The following PTPN13 variants were observed in gnomAD, a reference collection of about 807,000 sequenced individuals.
PTPN13 encodes protein tyrosine phosphatase non-receptor type 13.
Under a neutral mutation model 284.0 loss-of-function variants are expected in PTPN13, and 191 were observed. The ratio of observed to expected loss-of-function variants is 0.67; its 90% CI spans 0.60 to 0.76. The LOEUF (loss-of-function observed/expected upper bound fraction) is 0.76. Among genes scored for constraint, PTPN13 ranks in the 30% least tolerant of loss-of-function variants. PTPN13 has a pLI of 0.00. For missense variants in PTPN13, 2,797 were observed against 2,939.9 expected (o/e 0.95, Z 1.12); for synonymous variants, 986 against 1,022.3 (o/e 0.96, Z 0.68).
chr4:86,736,837 A>G (rs1735571816), intron 15 of PTPN13, among the ~76,000 whole-genome samples: 1 of 152,208 alleles, frequency 6.6e-6, no homozygotes, highest in South Asian at 2.1e-4. Context: ...TAGCATGCCT[A>G]AGGAATATTA....
chr4:86,788,062 A>G (rs1479167586), intron 40 of PTPN13, among the ~76,000 whole-genome samples: 2 of 152,208 alleles, frequency 1.3e-5, no homozygotes, highest in Non-Finnish European at 2.9e-5. Flanking sequence ...TGTTTTAAAT[A>G]ATGGTAAACA....
At chr4:86,780,957 G>A (rs1458213155) in intron 36 of PTPN13, among the ~76,000 whole-genome samples, 2 of 122,564 alleles carry the variant, frequency 1.6e-5, no homozygotes, top group Non-Finnish European at 3.7e-5. Context: ...TGGGACAAAC[G>A]GGAAGGAAGC....
At chr4:86,653,484 GC>G (rs1479779207) in intron 2 of PTPN13, among the ~76,000 whole-genome samples, 1 of 150,560 alleles carries the variant, frequency 6.6e-6, no homozygotes, top group African/African-American at 2.5e-5. Context: ...AAGCTCCGGA[GC>G]GCCTCAACTC....
Position 86,750,559 on chromosome 4 carries a change from A to G in PTPN13, c.2740A>G (p.Ser914Gly). The G allele has an allele frequency of 1.2e-6, 2 of 1,614,006 alleles. No homozygotes were observed. Among genetic ancestry groups the G allele is most frequent in the Non-Finnish European group, 1.7e-6 (2 of 1,179,880 alleles). The change falls in exon 18 of 48, where the codon AGC (serine) becomes GGC (glycine). Residue 914 changes from serine (S) to glycine (G), a missense_variant. Transcript: ENST00000411767. ...GRAISTGSLASSTLNKLAVRP... is the reference protein window; with the variant it reads ...GRAISTGSLAGSTLNKLAVRP... ...AGCAATCAGCACTGGCAGTCTGGCC[A>G]GCAGCACCCTCAACAAACTTGCTGT...
chr4:86,785,322 G>C lies in PTPN13; in HGVS notation c.6210G>C (p.Gln2070His), dbSNP rs929810204. 1.2e-6 allele frequency: 2 copies of C among 1,610,854 alleles called. No homozygotes were observed. Among genetic ancestry groups the C allele is most frequent in the Non-Finnish European group, 1.7e-6 (2 of 1,178,138 alleles). Residue 2070 changes from glutamine (Q) to histidine (H), a missense_variant, in exon 39 of 48, where the codon CAG becomes CAC. By Grantham distance (24) the Gln-to-His change is conservative. Transcript: ENST00000411767. ...SLLDVVDEEAQNLLNENNAAG... is the reference protein window; with the variant it reads ...SLLDVVDEEAHNLLNENNAAG... Reference sequence around the variant, plus strand: ...TGGATGTTGTGGATGAGGAAGCCCAGAATCTTTTAAACGAAAATAATGCAG... The same window carrying C: ...TGGATGTTGTGGATGAGGAAGCCCACAATCTTTTAAACGAAAATAATGCAG...
At chr4:86,642,964 A>G (rs1723988787) in intron 2 of PTPN13, among the ~76,000 whole-genome samples, 1 of 152,158 alleles carries the variant, frequency 6.6e-6, no homozygotes, top group Non-Finnish European at 1.5e-5. Context: ...AACTGTAGTA[A>G]TTGTCCAAAA....
At chr4:86,788,994 T>C (rs1047712290) in intron 40 of PTPN13, among the ~76,000 whole-genome samples, 1 of 152,180 alleles carries the variant, frequency 6.6e-6, no homozygotes, top group African/African-American at 2.4e-5. Context: ...TAAAGGTATT[T>C]GATAGTTAAG....
At chr4:86,699,244 AGCGT>A (rs1730882835) in intron 6 of PTPN13, among the ~76,000 whole-genome samples, 1 of 151,924 alleles carries the variant, frequency 6.6e-6, no homozygotes, top group Admixed American at 6.6e-5. Context: ...AAACAAAATT[AGCGT>A]GGTGGTGGGC....
intron 41 of PTPN13, among the ~76,000 whole-genome samples, chr4:86,798,337 CAG>C (rs1359356440): frequency 6.6e-6 from 1 of 152,160 alleles, no homozygotes; most frequent in Non-Finnish European, 1.5e-5. Context: ...TGAGTTAGAA[CAG>C]GGGGAAACAT....
At chr4:86,764,487 C>G (rs774935693) in intron 24 of PTPN13, 106 bp from the exon 25 acceptor site, 40 of 840,524 alleles carry the variant, frequency 4.8e-5, no homozygotes, top group Non-Finnish European at 6.4e-5. Context: ...TTGATTCTAG[C>G]CAGCTTTGTC....
At position 86,680,347 on chromosome 4, in the gene PTPN13, CTCTATCTATCTATCTATCTA is replaced by C. The variant is rs56694637; in HGVS notation, c.295-6327_295-6308del. Among the ~76,000 whole-genome samples the C allele has an allele frequency of 2.7e-4, 38 of 142,652 alleles. No individual in the cohort carries two copies. In the South Asian group the frequency reaches 3.8e-3, roughly 14 times the overall value. The allele number at this position is 142,652 out of a possible 152,430, so 93.6% of individuals were successfully genotyped here. ...ATGTCACATTTTCCTTTCTATCTATCTCTATCTATCTATCTATCTATCTATCTATCTATCTATCTATCTAT... is the reference window on the plus strand; with the variant it reads ...ATGTCACATTTTCCTTTCTATCTATCTCTATCTATCTATCTATCTATCTAT... On this transcript the variant is annotated intron_variant, in intron 3 of 47. Transcript: ENST00000411767.
chr4:86,759,512 A>G (rs184955129), intron 23 of PTPN13, among the ~76,000 whole-genome samples: 1 of 152,302 alleles, frequency 6.6e-6, no homozygotes, highest in East Asian at 1.9e-4. Context: ...TTTTACTTAA[A>G]GAGTAGACAG....
chr4:86,733,725 T>C (rs756827349), intron 12 of PTPN13, among the ~76,000 whole-genome samples: 26 of 152,174 alleles, frequency 1.7e-4, no homozygotes, highest in Non-Finnish European at 3.5e-4. Context: ...ATACCTAATT[T>C]CTTACAGATT....
intron 2 of PTPN13, among the ~76,000 whole-genome samples, chr4:86,656,632 C>T (rs1725849314): frequency 6.6e-6 from 1 of 152,152 alleles, no homozygotes. Context: ...TCAGTCTGCC[C>T]CTACTGGAGG....
Position 86,758,254 on chromosome 4 carries a change from C to A in PTPN13, c.3224-6C>A. 2.5e-6 allele frequency: 4 copies of A among 1,582,986 alleles called. No individual in the cohort carries two copies. The highest frequency in any genetic ancestry group is 3.5e-6 in the Non-Finnish European group (4 of 1,156,548). On this transcript the variant is annotated splice_polypyrimidine_tract_variant and splice_region_variant and intron_variant, in intron 20 of 47. Coordinates refer to ENST00000411767, the MANE Select transcript of PTPN13 (RefSeq NM_080683.3). Reference sequence around the variant, plus strand: ...TATTTATTTTTAAATTATAAATTCCCAATAGATGTGCTACACAAAAGATGG... The same window carrying A: ...TATTTATTTTTAAATTATAAATTCCAAATAGATGTGCTACACAAAAGATGG...
Position 86,731,250 on chromosome 4 carries a change from A to G in PTPN13, c.1609-1150A>G, listed in dbSNP as rs184233460. On this transcript the variant is annotated intron_variant, in intron 10 of 47. Transcript: ENST00000411767. ...TCTGGTTTCATTCTACCTTTTGCCCATTAAGATATGATCTTTCAGTCTTTT... is the reference window on the plus strand; with the variant it reads ...TCTGGTTTCATTCTACCTTTTGCCCGTTAAGATATGATCTTTCAGTCTTTT... 4.6e-4 allele frequency among the ~76,000 whole-genome samples: 70 copies of G among 152,292 alleles called. No homozygotes were observed. The East Asian group carries it at 0.013, about 28-fold the overall frequency.
At position 86,734,321 on chromosome 4, in the gene PTPN13, T is replaced by C; in HGVS notation, c.1877T>C (p.Val626Ala). ...ATLKDNEYFFVDPDLKLTKVA... is the reference protein window; with the variant it reads ...ATLKDNEYFFADPDLKLTKVA... ...TGTTTAGATAATGAATATTTCTTTGTTGATCCTGACTTAAAATTAACCAAA... is the reference window on the plus strand; with the variant it reads ...TGTTTAGATAATGAATATTTCTTTGCTGATCCTGACTTAAAATTAACCAAA... The change falls in exon 13 of 48, where the codon GTT becomes GCT. Residue 626 changes from valine (V) to alanine (A), a missense_variant. By Grantham distance (64) the Val-to-Ala change is moderately conservative (BLOSUM62 0). Coordinates refer to ENST00000411767, the MANE Select transcript of PTPN13 (RefSeq NM_080683.3). 1 of 1,522,232 alleles carries C rather than the reference T, an allele frequency of 6.6e-7. No individual in the cohort carries two copies. The highest frequency in any genetic ancestry group is 8.8e-7 in the Non-Finnish European group (1 of 1,130,114). 94.3% of individuals were successfully genotyped at this position (1,522,232 alleles called of 1,614,324 possible).
chr4:86,716,601 TC>T lies in PTPN13; in HGVS notation c.1269del (p.Ser424LeufsTer8). ...CTCCAGTGAAAGTCCATCTATTATT[TC>T]CTCTGAATCAGATTTCAGACAAGGT... ...STSSESPSII[S>X]SESDFRQVRR... On this transcript the variant is annotated frameshift_variant, in exon 8 of 48. Transcript: ENST00000411767. LOFTEE classifies it high-confidence loss of function. The T allele has an allele frequency of 6.3e-7, 1 of 1,593,962 alleles. No individual in the cohort carries two copies. Among genetic ancestry groups the T allele is most frequent in the Non-Finnish European group, 8.5e-7 (1 of 1,169,634 alleles).
At chr4:86,784,350 A>G in intron 37 of PTPN13, 115 bp from the exon 38 acceptor site, 2 of 650,016 alleles carry the variant, frequency 3.1e-6, no homozygotes, top group Non-Finnish European at 5.2e-6. Flanking sequence ...TAAGGTGGAG[A>G]GATGTAAAAT....
Sources: gnomAD v4.1 joint callset for allele counts (sites outside exome capture counted in the v4.1 genomes callset) on GRCh38, gnomAD v4.1.1 for gene constraint, MANE v1.5 for transcripts, NCBI Gene and HGNC (gene_info 2026-07-23, HGNC 2026-07-21) for gene names.